TMTC2: variants seen among roughly 807,000 people sequenced by gnomAD.
TMTC2 encodes the protein transmembrane O-mannosyltransferase targeting cadherins 2.
Under a neutral mutation model 82.4 loss-of-function variants are expected in TMTC2, and 43 were observed. The ratio of observed to expected loss-of-function variants is 0.52; its 90% CI spans 0.41 to 0.67. The LOEUF is 0.67. Among genes scored for constraint, TMTC2 ranks in the 30% least tolerant of loss-of-function variants. The pLI is 0.00. For missense variants in TMTC2, 919 were observed against 1,012.4 expected (o/e 0.91, Z 1.25); for synonymous variants, 408 against 381.9 (o/e 1.07, Z -0.80).
At chr12:83,055,203 C>T (rs1882494050) in intron 10 of TMTC2, among the ~76,000 whole-genome samples, 1 of 152,024 alleles carries the variant, frequency 6.6e-6, no homozygotes, top group South Asian at 2.1e-4. Flanking sequence ...GAGATTGCAT[C>T]TGATGAGTGG....
chr12:82,707,297 T>C (rs1873405718), intron 1 of TMTC2, among the ~76,000 whole-genome samples: 5 of 152,192 alleles, frequency 3.3e-5, no homozygotes, highest in Admixed American at 2.6e-4. Flanking sequence ...TGAATCCCTA[T>C]AATGAGGATT....
chr12:82,760,603 A>G (rs1462647250), intron 1 of TMTC2, among the ~76,000 whole-genome samples: 1 of 151,276 alleles, frequency 6.6e-6, no homozygotes, highest in East Asian at 2.0e-4. Flanking sequence ...CAGGTCATGG[A>G]CCAGTATGGG....
At chr12:82,748,831 C>T (rs1000142534) in intron 1 of TMTC2, among the ~76,000 whole-genome samples, 1 of 152,132 alleles carries the variant, frequency 6.6e-6, no homozygotes, top group African/African-American at 2.4e-5. Context: ...GAGCCAAGAT[C>T]GTGCCATTGC....
intron 1 of TMTC2, among the ~76,000 whole-genome samples, chr12:82,793,705 G>A (rs971209512): frequency 2.0e-5 from 3 of 152,132 alleles, no homozygotes; most frequent in Non-Finnish European, 4.4e-5. Flanking sequence ...TGGTATGGGG[G>A]TGGGAAGGGG....
At chr12:82,809,072 A>G (rs1879371227) in intron 1 of TMTC2, among the ~76,000 whole-genome samples, 1 of 149,086 alleles carries the variant, frequency 6.7e-6, no homozygotes, top group Non-Finnish European at 1.5e-5. Flanking sequence ...AGATTCAGAA[A>G]TTATTTATAT....
chr12:83,081,954 C>A (rs1481814085), intron 11 of TMTC2, among the ~76,000 whole-genome samples: 1 of 152,100 alleles, frequency 6.6e-6, no homozygotes, highest in African/African-American at 2.4e-5. Context: ...TGTACTCCAT[C>A]CTGGGCAACA....
intron 8 of TMTC2, among the ~76,000 whole-genome samples, chr12:83,014,146 A>G (rs550263144): frequency 9.6e-4 from 146 of 152,214 alleles, no homozygotes; most frequent in African/African-American, 3.3e-3. Flanking sequence ...CATTATAAGA[A>G]TACTATTTTT....
rs1389605905 is a variant in TMTC2, at chr12:82,741,584, C to A, written c.83+53915C>A. ...TTAGCCTCCCAAAGTGCTGGGATTA[C>A]AGGCGTGAGCCACCACACGCAGCTG... is the stretch of plus-strand genomic sequence containing the variant. On this transcript the variant is annotated intron_variant, in intron 1 of 11. Transcript: ENST00000321196. Among the ~76,000 whole-genome samples, 3 of 152,350 alleles carry A rather than the reference C, an allele frequency of 2.0e-5. No homozygotes were observed. In the South Asian group the frequency reaches 6.2e-4, roughly 32 times the overall value.
intron 11 of TMTC2, among the ~76,000 whole-genome samples, chr12:83,081,453 C>A (rs1433028014): frequency 6.6e-6 from 1 of 152,180 alleles, no homozygotes; most frequent in Admixed American, 6.5e-5. Context: ...GATTCTCACT[C>A]ACTTGCCTGG....
intron 1 of TMTC2, among the ~76,000 whole-genome samples, chr12:82,762,203 G>A (rs1244782838): frequency 4.6e-5 from 7 of 151,912 alleles, no homozygotes; most frequent in Non-Finnish European, 1.0e-4. Context: ...TCCTGAACTC[G>A]TGATCCACCC....
intron 7 of TMTC2, among the ~76,000 whole-genome samples, chr12:82,981,127 T>C (rs1266017491): frequency 6.6e-6 from 1 of 151,884 alleles, no homozygotes; most frequent in Non-Finnish European, 1.5e-5. Flanking sequence ...TAAGAAGGCA[T>C]TTAACAATTA....
At chr12:82,956,644 G>A (rs1877630745) in intron 4 of TMTC2, among the ~76,000 whole-genome samples, 1 of 151,980 alleles carries the variant, frequency 6.6e-6, no homozygotes, top group Non-Finnish European at 1.5e-5. Flanking sequence ...AGTAGAGATG[G>A]AGTTTAACCA....
At chr12:83,000,583 A>G (rs1879875390) in intron 8 of TMTC2, among the ~76,000 whole-genome samples, 1 of 152,110 alleles carries the variant, frequency 6.6e-6, no homozygotes, top group African/African-American at 2.4e-5. Flanking sequence ...GGCTGCTTTC[A>G]TGGGCTGGTG....
chr12:82,814,561 A>G (rs1403219488), intron 1 of TMTC2, among the ~76,000 whole-genome samples: 1 of 152,210 alleles, frequency 6.6e-6, no homozygotes, highest in Admixed American at 6.5e-5. Context: ...GTTATCTTGC[A>G]GTAGTATTCA....
intron 11 of TMTC2, among the ~76,000 whole-genome samples, chr12:83,119,750 C>T (rs1025840068): frequency 6.6e-6 from 1 of 152,052 alleles, no homozygotes. Context: ...TATAGAAGTC[C>T]CCCACTATTA....
intron 7 of TMTC2, among the ~76,000 whole-genome samples, chr12:82,977,471 A>C (rs1878725441): frequency 6.6e-6 from 1 of 152,010 alleles, no homozygotes; most frequent in South Asian, 2.1e-4. Context: ...TAATAAATGT[A>C]AAATTAAATA....
chr12:83,045,752 C>CACACACACACACACACACACA lies in TMTC2; in HGVS notation c.2153-5152_2153-5151insACACACACACACACACACACA, dbSNP rs3223367. ...GCACACACACACACACACACACACA[C>CACACACACACACACACACACA]CAGGAGTGTCTGGCGACCATCAGGA... On this transcript the variant is annotated intron_variant, in intron 9 of 11. Transcript: ENST00000321196. Among the ~76,000 whole-genome samples the CACACACACACACACACACACA allele has an allele frequency of 2.4e-3, 359 of 149,076 alleles. 2 individuals carry two copies. Among genetic ancestry groups the CACACACACACACACACACACA allele is most frequent in the East Asian group, 4.2e-3 (21 of 4,998 alleles).
chr12:82,826,002 ATGGTTGTAGTAAAT>A (rs767335519), intron 1 of TMTC2, among the ~76,000 whole-genome samples: 4 of 152,246 alleles, frequency 2.6e-5, no homozygotes, highest in African/African-American at 4.8e-5. Context: ...TTTCAGAATG[ATGGTTGTAGTAAAT>A]TAAGGGGAAA....
chr12:82,714,321 G>C (rs1268358154), intron 1 of TMTC2, among the ~76,000 whole-genome samples: 3 of 152,112 alleles, frequency 2.0e-5, no homozygotes, highest in Non-Finnish European at 4.4e-5. Context: ...TAAATATTTA[G>C]AAAGTTGTAA....
Sources: allele counts gnomAD v4.1 joint callset (sites outside exome capture counted in the v4.1 genomes callset), GRCh38; gene constraint gnomAD v4.1.1; transcripts MANE v1.5; gene names NCBI Gene and HGNC (gene_info 2026-07-23, HGNC 2026-07-21).